Variants in EHF observed in about 807,000 individuals in gnomAD.
EHF encodes ETS homologous factor.
A neutral mutation model predicts 45.1 loss-of-function variants in EHF; 14 were observed. The observed-to-expected ratio is 0.31, with a 90% CI of 0.21 to 0.49. EHF has a LOEUF of 0.49. EHF is among the 20% of genes least tolerant of loss of function. The pLI is 0.99. For synonymous variants in EHF, 136 were observed against 131.8 expected (o/e 1.03, Z -0.22); for missense variants, 282 against 371.4 (o/e 0.76, Z 1.98).
rs1207402882 is a variant in EHF at position 34,659,064 on chromosome 11, C to G, written c.*133C>G. 10 of 653,746 alleles carry G rather than the reference C, an allele frequency of 1.5e-5. No homozygotes were observed. The East Asian group carries it at 2.6e-4, about 17-fold the overall frequency. 40.5% of individuals were successfully genotyped at this position (653,746 alleles called of 1,614,324 possible). On this transcript the variant is annotated 3_prime_UTR_variant, in exon 9 of 9. Transcript: ENST00000257831. Reference sequence around the variant, plus strand: ...CCATGAGGGGAACAAGAAACTACTTCTAACGGGAAGAAGAAACACTACGGT... The same window carrying G: ...CCATGAGGGGAACAAGAAACTACTTGTAACGGGAAGAAGAAACACTACGGT...
chr11:34,635,948 A>T (rs968874461), intron 1 of EHF, among the ~76,000 whole-genome samples: 1 of 152,134 alleles, frequency 6.6e-6, no homozygotes, highest in African/African-American at 2.4e-5. Flanking sequence ...TAGTTCAGCC[A>T]TAATGGTACG....
chr11:34,635,846 G>A (rs2134045198), intron 1 of EHF, among the ~76,000 whole-genome samples: 1 of 152,218 alleles, frequency 6.6e-6, no homozygotes, highest in South Asian at 2.1e-4. Flanking sequence ...AGAGGGACAG[G>A]AGGGATGGCT....
At chr11:34,632,979 T>G (rs1853040392) in intron 1 of EHF, among the ~76,000 whole-genome samples, 1 of 152,210 alleles carries the variant, frequency 6.6e-6, no homozygotes, top group South Asian at 2.1e-4. Context: ...GCTGAGAGAC[T>G]AATTGTCTTC....
intron 1 of EHF, among the ~76,000 whole-genome samples, chr11:34,621,511 G>A (rs1477809533): frequency 6.6e-6 from 1 of 152,174 alleles, no homozygotes; most frequent in Admixed American, 6.5e-5. Context: ...ATGCCTGGGT[G>A]GCAAAACCAT....
Position 34,661,725 on chromosome 11 carries a change from T to C in EHF, c.*2794T>C, listed in dbSNP as rs1311891992. On this transcript the variant is annotated 3_prime_UTR_variant, in exon 9 of 9. Coordinates refer to ENST00000257831, the MANE Select transcript of EHF (RefSeq NM_012153.6). Reference sequence around the variant, plus strand: ...TGTTGAAAGGGAGAGCAAAGTCTTATGGATAAACCCTCCTTTCTTTTGGGG... The same window carrying C: ...TGTTGAAAGGGAGAGCAAAGTCTTACGGATAAACCCTCCTTTCTTTTGGGG... Among the ~76,000 whole-genome samples the C allele has an allele frequency of 6.6e-6, 1 of 152,160 alleles. No homozygotes were observed. Among genetic ancestry groups the C allele is most frequent in the Non-Finnish European group, 1.5e-5 (1 of 68,024 alleles).
At chr11:34,629,562 T>G (rs572434841) in intron 1 of EHF, among the ~76,000 whole-genome samples, 1 of 152,386 alleles carries the variant, frequency 6.6e-6, no homozygotes, top group East Asian at 1.9e-4. Flanking sequence ...GCAAGGATGC[T>G]AATGAAATAA....
At chr11:34,625,149 T>C (rs1408187571) in intron 1 of EHF, among the ~76,000 whole-genome samples, 1 of 152,132 alleles carries the variant, frequency 6.6e-6, no homozygotes, top group Non-Finnish European at 1.5e-5. Flanking sequence ...ATGGATTCTT[T>C]AGGGCCTTCA....
intron 1 of EHF, among the ~76,000 whole-genome samples, chr11:34,627,193 G>C (rs1852454669): frequency 6.6e-6 from 1 of 151,780 alleles, no homozygotes; most frequent in Non-Finnish European, 1.5e-5. Flanking sequence ...AAATGCAATA[G>C]GGTTTTTATT....
intron 1 of EHF, among the ~76,000 whole-genome samples, chr11:34,627,228 C>T (rs984312338): frequency 6.6e-6 from 1 of 151,828 alleles, no homozygotes; most frequent in African/African-American, 2.4e-5. Flanking sequence ...CAGGGAGATG[C>T]ATGAACCATA....
At chr11:34,632,611 G>T (rs910260221) in intron 1 of EHF, 10 of 1,531,880 alleles carry the variant, frequency 6.5e-6, no homozygotes, top group African/African-American at 4.3e-5. Context: ...GGAGAGAAGA[G>T]GATTGGTCCT....
At chr11:34,624,768 AT>A (rs1268633450) in intron 1 of EHF, among the ~76,000 whole-genome samples, 2 of 152,190 alleles carry the variant, frequency 1.3e-5, no homozygotes, top group Non-Finnish European at 2.9e-5. Flanking sequence ...GGGTGGAAAT[AT>A]TTCTTTAAGA....
chr11:34,644,452 A>G (rs1198917730), intron 2 of EHF, among the ~76,000 whole-genome samples: 2 of 151,798 alleles, frequency 1.3e-5, no homozygotes, highest in East Asian at 1.9e-4. Context: ...TCCTCCCCCA[A>G]CCCCTGACTA....
chr11:34,646,760 G>A, intron 3 of EHF, 76 bp downstream of exon 3: 1 of 1,565,776 alleles, frequency 6.4e-7, no homozygotes, highest in Non-Finnish European at 8.7e-7. Flanking sequence ...CAGATGACAG[G>A]ATTCTTTGTC....
At chr11:34,648,825 A>G (rs1235712429) in intron 3 of EHF, among the ~76,000 whole-genome samples, 194 bp from the exon 4 acceptor site, 1 of 152,132 alleles carries the variant, frequency 6.6e-6, no homozygotes, top group Admixed American at 6.5e-5. Context: ...TTAGATTCCC[A>G]ATTTTCTGGG....
At chr11:34,632,388 T>C in intron 1 of EHF, 9 of 1,276,310 alleles carry the variant, frequency 7.1e-6, no homozygotes, top group African/African-American at 3.0e-5. Flanking sequence ...GTGGGTTTTA[T>C]GTTAACAACC....
At chr11:34,636,943 T>A (rs538964808) in intron 1 of EHF, among the ~76,000 whole-genome samples, 1 of 150,090 alleles carries the variant, frequency 6.7e-6, no homozygotes, top group East Asian at 2.0e-4. Flanking sequence ...GCAGGAGAAT[T>A]GCTTGAACCT....
At chr11:34,624,968 A>T (rs1167347806) in intron 1 of EHF, among the ~76,000 whole-genome samples, 1 of 152,126 alleles carries the variant, frequency 6.6e-6, no homozygotes, top group African/African-American at 2.4e-5. Flanking sequence ...AAAGGGTTTG[A>T]ACCTGACCAT....
At position 34,641,607 on chromosome 11, in the gene EHF, C is replaced by T. The variant is rs368168781; in HGVS notation, c.-3-1021C>T. On this transcript the variant is annotated intron_variant, in intron 1 of 8. Transcript: ENST00000257831. ...AGCTGAATTCCTCTCCCCACCCCAA[C>T]ATTTTATAAAGAGCAAGTGACTTTT... 5.9e-5 allele frequency among the ~76,000 whole-genome samples: 9 copies of T among 152,268 alleles called. No individual in the cohort carries two copies. In the South Asian group the frequency reaches 1.9e-3, roughly 32 times the overall value.
At position 34,636,347 on chromosome 11, in the gene EHF, G is replaced by A. The variant is rs895387458; in HGVS notation, c.-3-6281G>A. On this transcript the variant is annotated intron_variant, in intron 1 of 8. Coordinates refer to ENST00000257831, the MANE Select transcript of EHF (RefSeq NM_012153.6). ...CCCCATTAGGAAATTGGCAAAGCCAGGATTTGATCTGTGGCCATGTAACTC... is the reference window on the plus strand; with the variant it reads ...CCCCATTAGGAAATTGGCAAAGCCAAGATTTGATCTGTGGCCATGTAACTC... 5.3e-5 allele frequency among the ~76,000 whole-genome samples: 8 copies of A among 152,166 alleles called. No homozygotes were observed. The South Asian group carries it at 1.7e-3, about 32-fold the overall frequency.
Sources: allele counts gnomAD v4.1 joint callset (sites outside exome capture counted in the v4.1 genomes callset), GRCh38; gene constraint gnomAD v4.1.1; transcripts MANE v1.5; gene names NCBI Gene and HGNC (gene_info 2026-07-23, HGNC 2026-07-21).